NSD3: variants seen among roughly 807,000 people sequenced by gnomAD.
The protein encoded by NSD3 is histone-lysine N-methyltransferase NSD3.
A neutral mutation model predicts 160.8 loss-of-function variants in NSD3; 24 were observed. That is an observed-to-expected ratio of 0.15 (90% confidence interval 0.11 to 0.21). The LOEUF is 0.21. Ranked by LOEUF, NSD3 falls within the 10% of genes least tolerant of loss-of-function variation. The probability of loss-of-function intolerance (pLI) is 1.00; values close to 1 mark genes in which losing one functional copy is unlikely to be tolerated. For synonymous variants in NSD3, 520 were observed against 600.0 expected, an observed-to-expected ratio of 0.87 and a Z score of 1.95; for missense variants, 1,157 against 1,735.9, an observed-to-expected ratio of 0.67 and a Z score of 5.93.
At chr8:38,298,815 C>A (rs1809215520) in intron 15 of NSD3, among the ~76,000 whole-genome samples, 1 of 152,146 alleles carries the variant, frequency 6.6e-6, no homozygotes, top group Admixed American at 6.5e-5. Flanking sequence ...CCATTTAGCT[C>A]TTGGTACTGT....
intron 20 of NSD3, among the ~76,000 whole-genome samples, chr8:38,280,505 G>C (rs1231741445): frequency 2.6e-5 from 4 of 152,136 alleles, no homozygotes; most frequent in Non-Finnish European, 5.9e-5. Context: ...CTGAATCTCA[G>C]TTATAGAGAT....
chr8:38,322,113 A>G (rs1809806218), intron 7 of NSD3, among the ~76,000 whole-genome samples: 1 of 152,214 alleles, frequency 6.6e-6, no homozygotes, highest in Non-Finnish European at 1.5e-5. Flanking sequence ...AAGACCTATA[A>G]AATCAGATAG....
chr8:38,303,895 A>G (rs889237203), intron 14 of NSD3, among the ~76,000 whole-genome samples: 2 of 152,258 alleles, frequency 1.3e-5, no homozygotes, highest in Non-Finnish European at 2.9e-5. Context: ...GGCTTGAGAT[A>G]AAGCCAGATA....
chr8:38,342,328 G>A (rs988481391), intron 2 of NSD3, among the ~76,000 whole-genome samples: 1 of 152,172 alleles, frequency 6.6e-6, no homozygotes. Flanking sequence ...TAGGGACAGA[G>A]ATACCCTCTT....
intron 12 of NSD3, among the ~76,000 whole-genome samples, chr8:38,309,087 T>C (rs1372052108): frequency 6.6e-6 from 1 of 151,458 alleles, no homozygotes; most frequent in Non-Finnish European, 1.5e-5. Context: ...GGTGGGTGCA[T>C]TGCTTGAGTA....
intron 7 of NSD3, among the ~76,000 whole-genome samples, chr8:38,322,667 T>C (rs1443647562): frequency 6.6e-6 from 1 of 152,202 alleles, no homozygotes; most frequent in Non-Finnish European, 1.5e-5. Context: ...TTTAAAACCA[T>C]TGAAGAGTAT....
At chr8:38,293,687 C>G (rs1279130842) in intron 16 of NSD3, among the ~76,000 whole-genome samples, 1 of 151,638 alleles carries the variant, frequency 6.6e-6, no homozygotes, top group African/African-American at 2.4e-5. Context: ...CTTTGGGAGG[C>G]CGAGGCGGGC....
chr8:38,375,122 T>C (rs1811357779), intron 1 of NSD3, among the ~76,000 whole-genome samples: 1 of 152,224 alleles, frequency 6.6e-6, no homozygotes, highest in Non-Finnish European at 1.5e-5. Context: ...AGATGCCACA[T>C]AAATGTAAGG....
In NSD3 at chr8:38,316,498, G is replaced by C. The variant is rs1189569267; in HGVS notation, c.1856-456C>G. The C allele has an allele frequency of 1.9e-6, 2 of 1,044,808 alleles. No homozygotes were observed. Among genetic ancestry groups the C allele is most frequent in the Non-Finnish European group, 2.3e-6 (2 of 866,194 alleles). 64.7% of individuals were successfully genotyped at this position (1,044,808 alleles called of 1,614,324 possible). ...CAAATCTTTGATTTGTATTCGATTCGTACACGGATAGTGCCATTTTCCCCC... is the reference window on the plus strand; with the variant it reads ...CAAATCTTTGATTTGTATTCGATTCCTACACGGATAGTGCCATTTTCCCCC... On this transcript the variant is annotated intron_variant, in intron 9 of 23. Coordinates refer to ENST00000317025, the MANE Select transcript of NSD3 (RefSeq NM_023034.2). This position sits in a 1 kb window ranked among gnomAD's most constrained non-coding sequence, Gnocchi z 4.5.
In NSD3 at chr8:38,288,472, A is replaced by G. The variant is rs145553555; in HGVS notation, c.3501+15T>C. ...GTTCTGGTCTCTTCCACCCCCCACC[A>G]CCATCCCATGCTACCTTCTTAATGC... On this transcript the variant is annotated intron_variant, in intron 19 of 23. Transcript: ENST00000317025. The surrounding 1 kb of genome is among the most constrained non-coding windows in gnomAD (Gnocchi z 4.5). 1.2e-4 allele frequency: 196 copies of G among 1,611,802 alleles called. No individual in the cohort carries two copies. The African/African-American group carries it at 2.3e-3, about 19-fold the overall frequency.
At chr8:38,331,355 A>G in intron 5 of NSD3, 76 bp downstream of exon 5, 1 of 1,397,854 alleles carries the variant, frequency 7.2e-7, no homozygotes, top group Non-Finnish European at 9.4e-7. Flanking sequence ...ATCTGAATTC[A>G]AGTATGAAAA....
At chr8:38,292,470 A>G (rs1428872289) in intron 16 of NSD3, among the ~76,000 whole-genome samples, 1 of 152,056 alleles carries the variant, frequency 6.6e-6, no homozygotes, top group Non-Finnish European at 1.5e-5. Flanking sequence ...AACATGGTGA[A>G]ACCCCGTCTC....
chr8:38,298,387 A>G (rs898478480), intron 15 of NSD3, among the ~76,000 whole-genome samples: 3 of 152,182 alleles, frequency 2.0e-5, no homozygotes, highest in African/African-American at 7.2e-5. Flanking sequence ...TCTCTCCAAT[A>G]CTTCTAATAT....
rs764817877 is a variant in NSD3, at chr8:38,337,446, C to A, written c.769G>T (p.Val257Phe). 1 of 1,602,948 alleles carries A rather than the reference C, an allele frequency of 6.2e-7. No homozygotes were observed. The highest frequency in any genetic ancestry group is 8.5e-7 in the Non-Finnish European group (1 of 1,175,814). ...CCAGTGGACACTTCCGTTGTTGGAA[C>A]AGAAGATAGTATTGGCTGAACCTAC... ...EAPVQPILSS[V>F]PTTEVSTGVK... is the part of the protein sequence containing the mutation. Residue 257 changes from valine (V) to phenylalanine (F), a missense_variant, in exon 4 of 24, where the codon GTT becomes TTT. By Grantham distance (50) the Val-to-Phe change is conservative (BLOSUM62 -1). This residue lies in a region of NSD3 where 99 missense variants were observed against 151.8 expected (regional missense o/e 0.65). Transcript: ENST00000317025.
Position 38,315,968 on chromosome 8 carries a change from T to G in NSD3, c.1930A>C (p.Ser644Arg), listed in dbSNP as rs765609001. 1 of 1,613,628 alleles carries G rather than the reference T, an allele frequency of 6.2e-7. No individual in the cohort carries two copies. Among genetic ancestry groups the G allele is most frequent in the African/African-American group, 1.3e-5 (1 of 74,928 alleles). ...TCAGATGTGTCTCTGTATGCTGAAC[T>G]AGTCATTTCTACATCAGTTGAGGCG... is the stretch of plus-strand genomic sequence containing the variant. The part of the protein sequence containing the change: ...SRASTDVEMT[S>R]SAYRDTSDSD... Residue 644 changes from serine to arginine, a missense_variant, in exon 10 of 24, where the codon AGT becomes CGT. Ser to Arg is a moderately radical substitution (Grantham distance 110). Around this residue, in one of 10 missense-constraint regions of NSD3, gnomAD observed 437 missense variants for 576.6 expected, o/e 0.76. Coordinates refer to ENST00000317025, the MANE Select transcript of NSD3 (RefSeq NM_023034.2).
chr8:38,311,051 G>T (rs1809523601), intron 12 of NSD3, among the ~76,000 whole-genome samples: 1 of 147,312 alleles, frequency 6.8e-6, no homozygotes. Context: ...TCTCATTGTG[G>T]CTTTGATTTG....
At chr8:38,334,814 A>G (rs1283961784) in intron 4 of NSD3, among the ~76,000 whole-genome samples, 2 of 152,114 alleles carry the variant, frequency 1.3e-5, no homozygotes, top group African/African-American at 4.8e-5. Flanking sequence ...ATATTTCAAT[A>G]AAGTTTTTAA....
rs1809371621 is a variant in NSD3, at chr8:38,305,389, C to A, written c.2299G>T (p.Val767Phe). The A allele has an allele frequency of 6.2e-7, 1 of 1,614,130 alleles. No individual in the cohort carries two copies. Among genetic ancestry groups the A allele is most frequent in the Non-Finnish European group, 8.5e-7 (1 of 1,180,026 alleles). ...VSGKDVKRCS[V>F]GACGKFYHEA... Reference sequence around the variant, plus strand: ...TGATAAAATTTCCCACAAGCACCAACAGAACAACGCTTCACATCTTTACCA... The same window carrying A: ...TGATAAAATTTCCCACAAGCACCAAAAGAACAACGCTTCACATCTTTACCA... Residue 767 changes from valine to phenylalanine, a missense_variant, in exon 13 of 24, where the codon GTT becomes TTT. Physicochemically the swap from Val to Phe is conservative, Grantham distance 50. Transcript: ENST00000317025.
intron 1 of NSD3, among the ~76,000 whole-genome samples, chr8:38,373,439 T>C (rs1485955270): frequency 6.6e-6 from 1 of 152,190 alleles, no homozygotes; most frequent in Non-Finnish European, 1.5e-5. Context: ...TCAAGTTTTA[T>C]ATGCTTTTTT....
Sources: gnomAD v4.1 joint callset for allele counts (sites outside exome capture counted in the v4.1 genomes callset) on GRCh38, gnomAD v4.1.1 for gene constraint, gnomAD v4.1.1 regional missense constraint, Gnocchi (gnomAD v3.1) non-coding constraint, MANE v1.5 for transcripts, NCBI Gene and HGNC (gene_info 2026-07-23, HGNC 2026-07-21) for gene names.